The following PRDM11 variants were observed in gnomAD, a reference collection of about 807,000 sequenced individuals.
PRDM11 encodes the protein PR/SET domain 11.
In PRDM11, 20 loss-of-function variants were observed where a neutral mutation model predicts 97.8. The observed-to-expected ratio is 0.20, with a 90% CI of 0.14 to 0.30. PRDM11 has a LOEUF of 0.30. Among genes scored for constraint, PRDM11 ranks in the 10% least tolerant of loss-of-function variants. PRDM11 has a pLI of 1.00. For missense variants in PRDM11, 1,139 were observed against 1,555.2 expected (o/e 0.73, Z 4.50); for synonymous variants, 599 against 637.7 (o/e 0.94, Z 0.91).
rs377411745 is a variant in PRDM11 at position 45,199,575 on chromosome 11, C to T, written c.487-5136C>T. On this transcript the variant is annotated intron_variant, in intron 4 of 7. Coordinates refer to ENST00000683152, the MANE Select transcript of PRDM11 (RefSeq NM_001384648.1). ...TTATCAAAGGCCTTGTACCACAATG[C>T]TCAGAGCTTCTGGGCTGGTCCAAAG... Among the ~76,000 whole-genome samples, 7 of 152,330 alleles carry T rather than the reference C, an allele frequency of 4.6e-5. No homozygotes were observed. The South Asian group carries it at 8.3e-4, about 18-fold the overall frequency.
At chr11:45,103,611 T>C (rs543575714) in intron 1 of PRDM11, among the ~76,000 whole-genome samples, 14 of 151,790 alleles carry the variant, frequency 9.2e-5, no homozygotes, top group Non-Finnish European at 2.1e-4. Flanking sequence ...GAGGGGGCCT[T>C]TGAGGGTGTC....
chr11:45,212,806 C>T (rs1195332151), intron 5 of PRDM11: 3 of 455,488 alleles, frequency 6.6e-6, no homozygotes, highest in South Asian at 1.6e-5. Context: ...ACAGCATGCA[C>T]GTCATCGGCC....
chr11:45,174,757 T>C (rs1406834030), intron 1 of PRDM11, among the ~76,000 whole-genome samples: 2 of 152,192 alleles, frequency 1.3e-5, no homozygotes, highest in Admixed American at 1.3e-4. Flanking sequence ...AAGTGACTAT[T>C]TTTCAGAAGC....
chr11:45,171,601 A>G (rs1381584407), intron 1 of PRDM11, among the ~76,000 whole-genome samples: 1 of 152,150 alleles, frequency 6.6e-6, no homozygotes, highest in African/African-American at 2.4e-5. Context: ...AGGCACCATC[A>G]AGGCAGATGC....
chr11:45,190,325 T>C (rs954033723), intron 4 of PRDM11, among the ~76,000 whole-genome samples: 4 of 152,036 alleles, frequency 2.6e-5, no homozygotes, highest in Non-Finnish European at 5.9e-5. Context: ...TTTTTTGTAT[T>C]TTAGTAGAGA....
At chr11:45,221,441 A>C (rs1007617418) in intron 6 of PRDM11, among the ~76,000 whole-genome samples, 1 of 152,224 alleles carries the variant, frequency 6.6e-6, no homozygotes, top group African/African-American at 2.4e-5. Context: ...GAATCATACC[A>C]CTAGAAGAAA....
chr11:45,180,092 T>TG (rs1565293538), intron 1 of PRDM11, among the ~76,000 whole-genome samples: 2 of 152,354 alleles, frequency 1.3e-5, no homozygotes, highest in East Asian at 3.9e-4. Context: ...CACTTGAATC[T>TG]GGGGGTTCAG....
At chr11:45,210,915 TC>T (rs1317785303) in intron 5 of PRDM11, among the ~76,000 whole-genome samples, 1 of 152,142 alleles carries the variant, frequency 6.6e-6, no homozygotes, top group Non-Finnish European at 1.5e-5. Context: ...TAAAGCCTGT[TC>T]CCTGCATCCT....
intron 1 of PRDM11, among the ~76,000 whole-genome samples, chr11:45,120,314 T>C (rs910274741): frequency 2.6e-5 from 4 of 152,174 alleles, no homozygotes; most frequent in African/African-American, 9.6e-5. Context: ...ATAACCAGTA[T>C]TTGAATAAAT....
intron 1 of PRDM11, among the ~76,000 whole-genome samples, chr11:45,105,798 C>G (rs1040734920): frequency 2.0e-5 from 3 of 152,226 alleles, no homozygotes; most frequent in Non-Finnish European, 2.9e-5. Context: ...CATGGCTCTT[C>G]CCAGAAGCCC....
At chr11:45,214,850 G>C (rs1853909881) in intron 5 of PRDM11, 1 of 152,160 alleles carries the variant, frequency 6.6e-6, no homozygotes, top group Non-Finnish European at 1.5e-5. Context: ...AAAGCAGGTT[G>C]GTGAGAAGGG....
chr11:45,215,277 C>G (rs1386446387), intron 5 of PRDM11, among the ~76,000 whole-genome samples: 1 of 152,230 alleles, frequency 6.6e-6, no homozygotes, highest in Non-Finnish European at 1.5e-5. Flanking sequence ...GTGCATTGCC[C>G]TGGCTTAATA....
intron 1 of PRDM11, among the ~76,000 whole-genome samples, chr11:45,101,340 G>A (rs753508095): frequency 2.4e-4 from 36 of 152,088 alleles, no homozygotes; most frequent in Non-Finnish European, 4.3e-4. Flanking sequence ...GGCAGATCAC[G>A]AGGTCAGGAG....
At chr11:45,152,519 TC>T (rs1466516131) in intron 1 of PRDM11, among the ~76,000 whole-genome samples, 1 of 152,334 alleles carries the variant, frequency 6.6e-6, no homozygotes, top group East Asian at 1.9e-4. Context: ...TAATGCAAGT[TC>T]CCAGAGAGCT....
intron 5 of PRDM11, among the ~76,000 whole-genome samples, chr11:45,208,342 G>T (rs1454271357): frequency 6.6e-6 from 1 of 152,140 alleles, no homozygotes; most frequent in Non-Finnish European, 1.5e-5. Flanking sequence ...TACACCCAAC[G>T]GTAGCCAGTG....
At chr11:45,146,574 C>A (rs1253942832), upstream of PRDM11, 1 of 152,004 alleles carries the variant, frequency 6.6e-6, no homozygotes, top group South Asian at 2.1e-4. Context: ...TGGTGAGTCC[C>A]GGCTCCGGCC....
intron 1 of PRDM11, among the ~76,000 whole-genome samples, chr11:45,169,317 TCTC>T (rs1190654376): frequency 6.6e-6 from 1 of 152,166 alleles, no homozygotes; most frequent in Non-Finnish European, 1.5e-5. Flanking sequence ...AGTAACTACC[TCTC>T]CTCCTCTAGC....
chr11:45,224,405 G>C lies in PRDM11; in HGVS notation c.931G>C (p.Ala311Pro). The C allele has an allele frequency of 6.2e-7, 1 of 1,614,218 alleles. No homozygotes were observed. The highest frequency in any genetic ancestry group is 1.1e-5 in the South Asian group (1 of 91,090). The change falls in exon 7 of 8, where the codon GCC (alanine) becomes CCC (proline). Residue 311 changes from alanine (A) to proline (P), a missense_variant. Ala to Pro is a conservative substitution (Grantham distance 27, BLOSUM62 -1). This residue lies in a region of PRDM11 where 429 missense variants were observed against 510.3 expected (regional missense o/e 0.84). Coordinates refer to ENST00000683152, the MANE Select transcript of PRDM11 (RefSeq NM_001384648.1). ...CCTGATTTTCAAGGATGTTCTGGAG[G>C]CCTCACTGGAATCTGCGAAGGTGGA... ...IDLIFKDVLE[A>P]SLESAKVEAH...
intron 5 of PRDM11, chr11:45,213,685 C>G (rs552441869): frequency 2.2e-6 from 1 of 456,548 alleles, no homozygotes; most frequent in South Asian, 1.5e-5. Flanking sequence ...CTTGCAGAGT[C>G]TGGGTGGTCT....
Sources: gnomAD v4.1 joint callset for allele counts (sites outside exome capture counted in the v4.1 genomes callset) on GRCh38, gnomAD v4.1.1 for gene constraint, gnomAD v4.1.1 regional missense constraint, MANE v1.5 for transcripts, NCBI Gene and HGNC (gene_info 2026-07-23, HGNC 2026-07-21) for gene names.